Variants in SMG6 observed in about 807,000 individuals in gnomAD.
SMG6 encodes the protein SMG6 nonsense mediated mRNA decay factor, also known as telomerase-binding protein EST1A.
In SMG6, 66 loss-of-function variants were observed where a neutral mutation model predicts 142.2. The observed-to-expected ratio is 0.46, with a 90% CI of 0.38 to 0.57. The LOEUF is 0.57. Among genes scored for constraint, SMG6 ranks in the 20% least tolerant of loss-of-function variants. The pLI is 0.00. For missense variants in SMG6, 1,793 were observed against 1,832.0 expected (o/e 0.98, Z 0.39); for synonymous variants, 779 against 702.4 (o/e 1.11, Z -1.72).
At chr17:2,242,978 C>T (rs2073846983) in intron 9 of SMG6, among the ~76,000 whole-genome samples, 1 of 152,132 alleles carries the variant, frequency 6.6e-6, no homozygotes, top group Non-Finnish European at 1.5e-5. Flanking sequence ...ATACTACATG[C>T]CAGGCTCTAG....
chr17:2,129,122 C>T (rs895260302), intron 13 of SMG6, among the ~76,000 whole-genome samples: 8 of 151,920 alleles, frequency 5.3e-5, no homozygotes, highest in African/African-American at 1.9e-4. Flanking sequence ...CCAAGGCAGG[C>T]GGATCGCTTG....
chr17:2,105,083 A>ATTTTTTTTT (rs549898049), intron 13 of SMG6, among the ~76,000 whole-genome samples: 25 of 103,152 alleles, frequency 2.4e-4, no homozygotes, highest in African/African-American at 2.7e-4. Context: ...CACCCAGCTA[A>ATTTTTTTTT]TTTTTTTTTT....
intron 13 of SMG6, among the ~76,000 whole-genome samples, chr17:2,138,475 TA>T (rs1397383807): frequency 1.2e-4 from 19 of 152,244 alleles, no homozygotes; most frequent in Non-Finnish European, 2.9e-5. Context: ...TGAAGACATA[TA>T]ACCGGAAGTC....
At chr17:2,284,090 T>A (rs1327980328) in intron 6 of SMG6, among the ~76,000 whole-genome samples, 1 of 152,228 alleles carries the variant, frequency 6.6e-6, no homozygotes, top group Non-Finnish European at 1.5e-5. Flanking sequence ...AGAGTCAGTA[T>A]GCTATAATGA....
chr17:2,226,065 C>A (rs565113194), intron 10 of SMG6, among the ~76,000 whole-genome samples: 87 of 152,114 alleles, frequency 5.7e-4, no homozygotes, highest in African/African-American at 2.0e-3. Context: ...CGCCTGAGGT[C>A]GGGAGTTCAA....
intron 13 of SMG6, among the ~76,000 whole-genome samples, chr17:2,158,520 T>C (rs1471059742): frequency 6.6e-6 from 1 of 152,154 alleles, no homozygotes. Context: ...TCACAAAAAA[T>C]AGCCCACGAA....
At chr17:2,281,704 T>C (rs574855546) in intron 8 of SMG6, among the ~76,000 whole-genome samples, 14 of 152,294 alleles carry the variant, frequency 9.2e-5, no homozygotes, top group Admixed American at 3.3e-4. Context: ...TCCTACTATT[T>C]TCAGGATAAA....
intron 8 of SMG6, chr17:2,256,133 T>C (rs1255744284): frequency 6.4e-6 from 1 of 155,512 alleles, no homozygotes; most frequent in Non-Finnish European, 1.4e-5. Context: ...TGTTGTCCCA[T>C]GACCCTGCCA....
At chr17:2,099,740 C>T (rs538696075) in intron 13 of SMG6, among the ~76,000 whole-genome samples, 1 of 152,190 alleles carries the variant, frequency 6.6e-6, no homozygotes, top group African/African-American at 2.4e-5. Flanking sequence ...AAATGGCTGC[C>T]ATACAGAACC....
chr17:2,128,204 C>T (rs1274013171), intron 13 of SMG6, among the ~76,000 whole-genome samples: 1 of 152,228 alleles, frequency 6.6e-6, no homozygotes, highest in African/African-American at 2.4e-5. Context: ...GGGCGGCATA[C>T]CCAAGGCACG....
chr17:2,248,923 T>G (rs140492231), intron 8 of SMG6, among the ~76,000 whole-genome samples: 2,708 of 151,970 alleles, frequency 0.018, 39 homozygotes, highest in Non-Finnish European at 0.026. Context: ...GTCTTGCTCT[T>G]TCACCCAGGC....
In SMG6 at chr17:2,283,608, GCCA is replaced by G; in HGVS notation, c.2448+14_2448+16del. ...CACTATTCGAGGAAGGAAGGGTTCT[GCCA>G]CATCCCCACTCACCTTCCGCTTGGT... On this transcript the variant is annotated intron_variant, in intron 7 of 18. Transcript: ENST00000263073. 6.3e-7 allele frequency: 1 copy of G among 1,591,726 alleles called. No individual in the cohort carries two copies.
At chr17:2,187,600 A>G (rs1402867316) in intron 11 of SMG6, among the ~76,000 whole-genome samples, 5 of 152,204 alleles carry the variant, frequency 3.3e-5, no homozygotes, top group Non-Finnish European at 7.3e-5. Context: ...GTATGTGTGT[A>G]TGGAAAGACG....
chr17:2,206,655 CG>C (rs1467081595), intron 10 of SMG6, among the ~76,000 whole-genome samples: 1 of 151,972 alleles, frequency 6.6e-6, no homozygotes, highest in Non-Finnish European at 1.5e-5. Flanking sequence ...CCAAGGCAGG[CG>C]GATTGCCTGA....
At position 2,114,906 on chromosome 17, in the gene SMG6, A is replaced by AAAAATAAAATAAAAT. The variant is rs71375589; in HGVS notation, c.3358-29020_3358-29006dup. Among the ~76,000 whole-genome samples, 185 of 61,978 alleles carry AAAAATAAAATAAAAT rather than the reference A, an allele frequency of 3.0e-3. 8 individuals are homozygous for AAAAATAAAATAAAAT. The highest frequency in any genetic ancestry group is 0.015 in the African/African-American group (151 of 10,346). 40.7% of individuals were successfully genotyped at this position (61,978 alleles called of 152,430 possible). ...CGTGCCACTGCACTCCAGCCTGGGC[A>AAAAATAAAATAAAAT]AAAATAAAATAAAATAAAATAAAAT... On this transcript the variant is annotated intron_variant, in intron 13 of 18. Transcript: ENST00000263073.
Position 2,085,651 on chromosome 17 carries a change from G to A in SMG6, c.3534+74C>T, listed in dbSNP as rs1465635789. On this transcript the variant is annotated intron_variant, in intron 14 of 18. Coordinates refer to ENST00000263073, the MANE Select transcript of SMG6 (RefSeq NM_017575.5). The surrounding 1 kb of genome is among the most constrained non-coding windows in gnomAD (Gnocchi z 4.1). ...TCTCTGTGCTCATAAATAAGCAGGA[G>A]GAAAAGCTGAAGCCACGAGCAGAAT... The A allele has an allele frequency of 6.9e-6, 10 of 1,439,158 alleles. No individual in the cohort carries two copies. Among genetic ancestry groups the A allele is most frequent in the African/African-American group, 1.4e-5 (1 of 70,012 alleles). The allele number at this position is 1,439,158 out of a possible 1,614,324, so 89.1% of individuals were successfully genotyped here.
chr17:2,297,254 A>C lies in SMG6; in HGVS notation c.2140T>G (p.Leu714Val), dbSNP rs2151408384. 1 of 1,603,370 alleles carries C rather than the reference A, an allele frequency of 6.2e-7. No individual in the cohort carries two copies. Among genetic ancestry groups the C allele is most frequent in the Middle Eastern group, 1.7e-4 (1 of 6,002 alleles). Residue 714 changes from leucine to valine, a missense_variant, in exon 4 of 19, where the codon TTA becomes GTA. Leu to Val is a conservative substitution (Grantham distance 32). Around this residue, in one of 3 missense-constraint regions of SMG6, gnomAD observed 1,597 missense variants for 1,584.6 expected, o/e 1.01. Coordinates refer to ENST00000263073, the MANE Select transcript of SMG6 (RefSeq NM_017575.5). ...MDGLAIRSKP[L>V]RKTVKYALIS... The stretch of plus-strand genomic sequence containing the variant: ...AGAAGGTAGCTTACTGTCTTGCGTA[A>C]TGGCTTGCTGCGAATGGCAAGACCA...
chr17:2,169,479 T>A (rs1424311223), intron 13 of SMG6, among the ~76,000 whole-genome samples: 1 of 152,188 alleles, frequency 6.6e-6, no homozygotes, highest in Non-Finnish European at 1.5e-5. Context: ...AGTACCACTT[T>A]ATATGATTAT....
At chr17:2,128,101 T>C (rs762111705) in intron 13 of SMG6, among the ~76,000 whole-genome samples, 7 of 152,170 alleles carry the variant, frequency 4.6e-5, no homozygotes, top group Non-Finnish European at 8.8e-5. Flanking sequence ...ATAGGCACCA[T>C]GCTGAAGCAT....
Sources: allele counts gnomAD v4.1 joint callset (sites outside exome capture counted in the v4.1 genomes callset), GRCh38; gene constraint gnomAD v4.1.1; regional missense constraint gnomAD v4.1.1; non-coding constraint Gnocchi (gnomAD v3.1); transcripts MANE v1.5; gene names NCBI Gene and HGNC (gene_info 2026-07-23, HGNC 2026-07-21).